The following GPC3 variants were observed in gnomAD, a reference collection of about 807,000 sequenced individuals.
GPC3 encodes the protein glypican 3.
A neutral mutation model predicts 34.4 loss-of-function variants in GPC3; 3 were observed. That is an observed-to-expected ratio of 0.09 (90% confidence interval 0.04 to 0.23). The LOEUF is 0.23. Among genes scored for constraint, GPC3 ranks in the 10% least tolerant of loss-of-function variants. The pLI, the probability that GPC3 is intolerant of heterozygous loss-of-function variation, is 1.00. For synonymous variants in GPC3, 177 were observed against 174.0 expected (o/e 1.02, Z -0.13); for missense variants, 351 against 445.6 (o/e 0.79, Z 1.91).
chrX:133,554,376 C>A (rs886786896), intron 7 of GPC3, among the ~76,000 whole-genome samples: 28 of 108,242 alleles, frequency 2.6e-4, no homozygotes, highest in Admixed American at 1.3e-3. Context: ...TGCAGTGATG[C>A]AATCATGGCT....
chrX:133,916,120 G>T lies in GPC3; in HGVS notation c.337+36930C>A, dbSNP rs139430427. ...AGATCACACCACTGCACCCCAGCCT[G>T]GGTGGCAAAGTGAGACTCTGTCTCA... is the stretch of plus-strand genomic sequence containing the variant. On this transcript the variant is annotated intron_variant, in intron 2 of 7. Transcript: ENST00000370818. Among the ~76,000 whole-genome samples, 512 of 104,939 alleles carry T rather than the reference G, an allele frequency of 4.9e-3. 6 individuals are homozygous for T. The highest frequency in any genetic ancestry group is 0.017 in the African/African-American group (484 of 28,434). The allele number at this position is 104,939 out of a possible 115,157, so 91.1% of individuals were successfully genotyped here.
In GPC3 at chrX:133,691,993, G is replaced by C. The variant is rs753819313; in HGVS notation, c.1292+376C>G. ...TTGGAGAGTCTTGCTCTGTCACCCA[G>C]GCTGGAGTGCAGTGATGCGATCTCA... On this transcript the variant is annotated intron_variant, in intron 5 of 7. Transcript: ENST00000370818. Among the ~76,000 whole-genome samples the C allele has an allele frequency of 4.4e-5, 5 of 112,635 alleles. No individual in the cohort carries two copies. The Admixed American group carries it at 4.7e-4, about 11-fold the overall frequency.
chrX:133,971,368 A>T, intron 1 of GPC3, among the ~76,000 whole-genome samples: 1 of 112,008 alleles, frequency 8.9e-6, no homozygotes. Flanking sequence ...AGTATTTTAC[A>T]ATATCTCAAG....
At chrX:133,541,734 C>T (rs2124265386) in intron 7 of GPC3, among the ~76,000 whole-genome samples, 1 of 111,481 alleles carries the variant, frequency 9.0e-6, no homozygotes, top group Non-Finnish European at 1.9e-5. Flanking sequence ...AAATAGAGAG[C>T]CCTCCATCTT....
intron 2 of GPC3, among the ~76,000 whole-genome samples, chrX:133,759,534 A>C (rs1342992385): frequency 8.9e-6 from 1 of 112,558 alleles, no homozygotes; most frequent in Non-Finnish European, 1.9e-5. Context: ...TTTGCAACAA[A>C]TAGTGCTGAA....
chrX:133,601,097 C>A (rs981507673), intron 6 of GPC3, among the ~76,000 whole-genome samples: 10 of 112,084 alleles, frequency 8.9e-5, no homozygotes, highest in African/African-American at 3.2e-4. Context: ...AGGCCCTTCA[C>A]ATTCCAGCTT....
chrX:133,817,676 A>T (rs914226919), intron 2 of GPC3, among the ~76,000 whole-genome samples: 1 of 108,068 alleles, frequency 9.3e-6, no homozygotes, highest in Admixed American at 1.0e-4. Flanking sequence ...ATCACTAAAA[A>T]CTATGTGTAT....
At chrX:133,698,259 G>GA (rs982068555) in intron 4 of GPC3, among the ~76,000 whole-genome samples, 2 of 111,838 alleles carry the variant, frequency 1.8e-5, no homozygotes, top group Non-Finnish European at 3.8e-5. Flanking sequence ...GTGAAGATCT[G>GA]ATTTCTTCTA....
chrX:133,953,013 A>C, intron 2 of GPC3, 37 bp downstream of exon 2: 2 of 1,140,031 alleles, frequency 1.8e-6, no homozygotes, highest in African/African-American at 1.8e-5. Context: ...TAATGATGCC[A>C]CTAAGCAGCA....
intron 2 of GPC3, among the ~76,000 whole-genome samples, chrX:133,852,303 G>A (rs1479901643): frequency 9.0e-6 from 1 of 111,668 alleles, no homozygotes. Flanking sequence ...CCATCTTCCT[G>A]CCTCCTCTCA....
At chrX:133,640,759 C>T (rs1238636504) in intron 6 of GPC3, among the ~76,000 whole-genome samples, 1 of 112,263 alleles carries the variant, frequency 8.9e-6, no homozygotes, top group Non-Finnish European at 1.9e-5. Flanking sequence ...ATTTTTCACA[C>T]GTAGAACTAT....
chrX:133,842,689 AATT>A (rs1163240580), intron 2 of GPC3, among the ~76,000 whole-genome samples: 4 of 110,862 alleles, frequency 3.6e-5, no homozygotes, highest in African/African-American at 1.3e-4. Context: ...TCTATATAGA[AATT>A]ATTAAGACAG....
At chrX:133,842,055 G>A (rs1429084420) in intron 2 of GPC3, among the ~76,000 whole-genome samples, 1 of 112,183 alleles carries the variant, frequency 8.9e-6, no homozygotes, top group Non-Finnish European at 1.9e-5. Flanking sequence ...GGTGGCTCAC[G>A]CCTGTAATCC....
At chrX:133,630,128 G>T (rs2070350600) in intron 6 of GPC3, among the ~76,000 whole-genome samples, 1 of 111,819 alleles carries the variant, frequency 8.9e-6, no homozygotes, top group Admixed American at 9.5e-5. Context: ...GTTACTTGGG[G>T]TTTGTGTTTT....
intron 2 of GPC3, among the ~76,000 whole-genome samples, chrX:133,877,919 T>C (rs2076023770): frequency 1.8e-5 from 2 of 111,060 alleles, no homozygotes; most frequent in South Asian, 7.6e-4. Context: ...ATATTAACCA[T>C]TGAACCACTG....
chrX:133,970,118 T>C (rs747594154), intron 1 of GPC3, among the ~76,000 whole-genome samples: 6 of 111,882 alleles, frequency 5.4e-5, no homozygotes, highest in African/African-American at 1.9e-4. Context: ...TGACCTGTAC[T>C]CCGTATATCA....
Position 133,902,697 on chromosome X carries a change from T to A in GPC3, c.337+50353A>T, listed in dbSNP as rs200347782. ...AAGATTGCACCACTGCAACCCAACC[T>A]GGGTGACAGAGCAAGATCCTGTCTC... On this transcript the variant is annotated intron_variant, in intron 2 of 7. Transcript: ENST00000370818. 1.1e-4 allele frequency among the ~76,000 whole-genome samples: 12 copies of A among 111,360 alleles called. No homozygotes were observed. In the East Asian group the frequency reaches 3.4e-3, roughly 31 times the overall value.
intron 2 of GPC3, among the ~76,000 whole-genome samples, chrX:133,775,022 A>C (rs745749528): frequency 9.0e-6 from 1 of 111,465 alleles, no homozygotes; most frequent in East Asian, 2.8e-4. Context: ...TCTTTCTTCT[A>C]CTGTGTTAAC....
At chrX:133,822,978 A>G (rs1381237794) in intron 2 of GPC3, among the ~76,000 whole-genome samples, 1 of 107,508 alleles carries the variant, frequency 9.3e-6, no homozygotes, top group African/African-American at 3.4e-5. Flanking sequence ...AAAATACAAA[A>G]ATTAGCCAGG....
Sources: gnomAD v4.1 joint callset for allele counts (sites outside exome capture counted in the v4.1 genomes callset) on GRCh38, gnomAD v4.1.1 for gene constraint, MANE v1.5 for transcripts, NCBI Gene and HGNC (gene_info 2026-07-23, HGNC 2026-07-21) for gene names.